The following MEI4 variants were observed in gnomAD, a reference collection of about 807,000 sequenced individuals.
The protein encoded by MEI4 is meiosis-specific protein MEI4.
A neutral mutation model predicts 31.4 loss-of-function variants in MEI4; 27 were observed. The ratio of observed to expected loss-of-function variants is 0.86; its 90% CI spans 0.63 to 1.19. MEI4 has a LOEUF of 1.19. MEI4 is among the 50% of genes most tolerant of loss of function. The pLI is 0.00. For missense variants in MEI4, 329 were observed against 398.9 expected, an observed-to-expected ratio of 0.82 and a Z score of 1.49; for synonymous variants, 122 against 145.4, an observed-to-expected ratio of 0.84 and a Z score of 1.16.
chr6:77,857,293 G>A (rs1195524662), intron 4 of MEI4, among the ~76,000 whole-genome samples: 1 of 152,120 alleles, frequency 6.6e-6, no homozygotes, highest in Admixed American at 6.6e-5. Context: ...ATTTAATTTT[G>A]TTTGCTATTA....
intron 2 of MEI4, among the ~76,000 whole-genome samples, chr6:77,739,764 G>C (rs1169162316): frequency 6.6e-6 from 1 of 151,660 alleles, no homozygotes; most frequent in African/African-American, 2.4e-5. Context: ...TCCTGGATTT[G>C]TTGATCTTTT....
intron 2 of MEI4, among the ~76,000 whole-genome samples, chr6:77,754,893 A>G (rs1004412419): frequency 3.3e-5 from 5 of 152,076 alleles, no homozygotes; most frequent in African/African-American, 4.8e-5. Flanking sequence ...CCATGATCCA[A>G]TCACCTCCCA....
At chr6:77,838,247 T>A (rs1770270918) in intron 4 of MEI4, among the ~76,000 whole-genome samples, 1 of 147,260 alleles carries the variant, frequency 6.8e-6, no homozygotes. Context: ...AACCAGAAAT[T>A]TTTTTTTTTT....
chr6:77,772,718 C>T (rs896273343), intron 3 of MEI4, among the ~76,000 whole-genome samples: 1 of 151,806 alleles, frequency 6.6e-6, no homozygotes, highest in Non-Finnish European at 1.5e-5. Context: ...AACAATCAGA[C>T]AAGAGAAATA....
chr6:77,850,555 A>G (rs1770591337), intron 4 of MEI4, among the ~76,000 whole-genome samples: 1 of 152,210 alleles, frequency 6.6e-6, no homozygotes, highest in South Asian at 2.1e-4. Context: ...CTATTTAACA[A>G]ATGGTGCTGG....
At chr6:77,894,766 G>C (rs1766044955) in intron 4 of MEI4, among the ~76,000 whole-genome samples, 1 of 152,066 alleles carries the variant, frequency 6.6e-6, no homozygotes, top group South Asian at 2.1e-4. Flanking sequence ...TGCTCACTTT[G>C]GTAAATTTTT....
At position 77,689,129 on chromosome 6, in the gene MEI4, G is replaced by T. The variant is rs534855308; in HGVS notation, c.-14-1529G>T. On this transcript the variant is annotated intron_variant, in intron 1 of 4. Transcript: ENST00000684080. ...AATAACAAAGAAATGAAGATAAGAGGATAAAAATCACCAATAATTCTACAG... is the reference window on the plus strand; with the variant it reads ...AATAACAAAGAAATGAAGATAAGAGTATAAAAATCACCAATAATTCTACAG... Among the ~76,000 whole-genome samples, 185 of 151,890 alleles carry T rather than the reference G, an allele frequency of 1.2e-3. No homozygotes were observed. The Middle Eastern group carries it at 0.017, about 14-fold the overall frequency.
chr6:77,713,059 C>T (rs901161649), intron 2 of MEI4, among the ~76,000 whole-genome samples: 3 of 151,630 alleles, frequency 2.0e-5, no homozygotes, highest in Non-Finnish European at 2.9e-5. Flanking sequence ...TTGGAAAGAG[C>T]ACTCTTTCCA....
intron 3 of MEI4, among the ~76,000 whole-genome samples, chr6:77,773,204 T>A (rs1019457584): frequency 6.6e-5 from 10 of 151,958 alleles, no homozygotes; most frequent in African/African-American, 2.4e-4. Context: ...CTAAAACTTA[T>A]ATAGAACCAC....
intron 2 of MEI4, among the ~76,000 whole-genome samples, chr6:77,714,076 T>A (rs1157945104): frequency 6.6e-6 from 1 of 152,168 alleles, no homozygotes; most frequent in African/African-American, 2.4e-5. Flanking sequence ...CATTCTTTTG[T>A]ATGGCTACAT....
At chr6:77,837,637 C>A (rs2127713617) in intron 4 of MEI4, among the ~76,000 whole-genome samples, 1 of 152,208 alleles carries the variant, frequency 6.6e-6, no homozygotes, top group South Asian at 2.1e-4. Context: ...AAACATATAA[C>A]AATCTCCAAA....
intron 2 of MEI4, among the ~76,000 whole-genome samples, chr6:77,735,921 G>A (rs1266945466): frequency 6.6e-6 from 1 of 151,696 alleles, no homozygotes; most frequent in East Asian, 1.9e-4. Flanking sequence ...CCCCTGCTGG[G>A]GGATGCCTCC....
At chr6:77,701,437 A>G (rs73762814) in intron 2 of MEI4, among the ~76,000 whole-genome samples, 3,440 of 152,132 alleles carry the variant, frequency 0.023, 133 homozygotes, top group African/African-American at 0.078. Flanking sequence ...CGGGTGGGGC[A>G]GGGGGAATCT....
At chr6:77,659,824 G>A (rs1231489205) in intron 1 of MEI4, among the ~76,000 whole-genome samples, 1 of 152,216 alleles carries the variant, frequency 6.6e-6, no homozygotes, top group African/African-American at 2.4e-5. Flanking sequence ...GGAACATCGA[G>A]AAGGTGAAAG....
At chr6:77,882,633 T>G (rs1462293808) in intron 4 of MEI4, among the ~76,000 whole-genome samples, 1 of 152,180 alleles carries the variant, frequency 6.6e-6, no homozygotes, top group Non-Finnish European at 1.5e-5. Flanking sequence ...CTGATGTGAG[T>G]TGAGAGGTAT....
chr6:77,706,441 G>A (rs1383778303), intron 2 of MEI4, among the ~76,000 whole-genome samples: 4 of 152,050 alleles, frequency 2.6e-5, no homozygotes, highest in African/African-American at 4.8e-5. Flanking sequence ...TGTCCATTCT[G>A]CATCAAACCT....
intron 3 of MEI4, among the ~76,000 whole-genome samples, chr6:77,812,114 G>A (rs182734475): frequency 2.3e-3 from 352 of 152,172 alleles, no homozygotes; most frequent in Non-Finnish European, 4.3e-3. Flanking sequence ...GCTAAAATAC[G>A]TGGCTTGTAA....
chr6:77,750,446 C>T (rs1010472314), intron 2 of MEI4, among the ~76,000 whole-genome samples: 2 of 151,776 alleles, frequency 1.3e-5, no homozygotes, highest in Admixed American at 6.6e-5. Context: ...CAAATGGAAA[C>T]CAAAGAAAGC....
chr6:77,830,746 T>C (rs980850434), intron 4 of MEI4, among the ~76,000 whole-genome samples: 5 of 151,956 alleles, frequency 3.3e-5, no homozygotes, highest in Non-Finnish European at 7.4e-5. Context: ...TATACAAAAA[T>C]CAAATTAAAA....
Sources: gnomAD v4.1 joint callset for allele counts (sites outside exome capture counted in the v4.1 genomes callset) on GRCh38, gnomAD v4.1.1 for gene constraint, MANE v1.5 for transcripts, NCBI Gene and HGNC (gene_info 2026-07-23, HGNC 2026-07-21) for gene names.